Variants in CCSER1 observed in about 807,000 individuals in gnomAD.
CCSER1 encodes serine-rich coiled-coil domain-containing protein 1.
CCSER1 carries 41 observed loss-of-function variants against 82.0 expected under a neutral mutation model. The observed-to-expected ratio is 0.50, with a 90% CI of 0.39 to 0.65. CCSER1 has a LOEUF of 0.65. CCSER1 is among the 30% of genes least tolerant of loss of function. The pLI is 0.00. For missense variants in CCSER1, 1,119 were observed against 1,064.2 expected (o/e 1.05, Z -0.72); for synonymous variants, 414 against 383.9 (o/e 1.08, Z -0.92).
intron 5 of CCSER1, among the ~76,000 whole-genome samples, chr4:90,604,989 A>G (rs978277920): frequency 2.1e-5 from 3 of 144,138 alleles, no homozygotes; most frequent in Admixed American, 6.8e-5. Flanking sequence ...AGCAGCGGCA[A>G]CTGAGTGAGC....
intron 6 of CCSER1, among the ~76,000 whole-genome samples, chr4:90,694,161 T>G (rs918919716): frequency 6.6e-6 from 1 of 151,998 alleles, no homozygotes; most frequent in African/African-American, 2.4e-5. Context: ...GTTGGAAGAT[T>G]TGGAACAAAT....
At chr4:90,271,862 ATTTTTT>A (rs1176154331) in intron 1 of CCSER1, among the ~76,000 whole-genome samples, 87 of 21,646 alleles carry the variant, frequency 4.0e-3, no homozygotes, top group South Asian at 5.6e-3. Context: ...ATATATATAT[ATTTTTT>A]TTTTTTTTTT....
At chr4:91,218,032 CG>C (rs1418330656) in intron 10 of CCSER1, among the ~76,000 whole-genome samples, 1 of 152,172 alleles carries the variant, frequency 6.6e-6, no homozygotes, top group Non-Finnish European at 1.5e-5. Flanking sequence ...TGGTGCTTGT[CG>C]GGGAGGCTCC....
intron 10 of CCSER1, among the ~76,000 whole-genome samples, chr4:91,160,488 T>A (rs550957141): frequency 6.6e-5 from 10 of 152,314 alleles, no homozygotes; most frequent in South Asian, 4.1e-4. Flanking sequence ...TCTACAGTGG[T>A]TGAACTAGTT....
chr4:90,479,870 A>G (rs907269161), intron 5 of CCSER1, among the ~76,000 whole-genome samples: 5 of 152,252 alleles, frequency 3.3e-5, no homozygotes, highest in Admixed American at 1.3e-4. Context: ...AGCATGATTT[A>G]TAATCCTTTG....
At chr4:91,397,470 A>G (rs1406826584) in intron 10 of CCSER1, among the ~76,000 whole-genome samples, 1 of 151,994 alleles carries the variant, frequency 6.6e-6, no homozygotes, top group Non-Finnish European at 1.5e-5. Flanking sequence ...TGCATTCTTT[A>G]TGTTTTTGTA....
intron 7 of CCSER1, among the ~76,000 whole-genome samples, chr4:90,753,861 T>TG (rs1308651524): frequency 6.6e-6 from 1 of 152,192 alleles, no homozygotes. Flanking sequence ...GATCTGGCAA[T>TG]GCTGGCCTTC....
At chr4:91,440,354 C>G (rs1479133692) in intron 10 of CCSER1, among the ~76,000 whole-genome samples, 1 of 152,086 alleles carries the variant, frequency 6.6e-6, no homozygotes, top group Non-Finnish European at 1.5e-5. Flanking sequence ...ACAATCTGCT[C>G]CTGAATGACT....
intron 7 of CCSER1, among the ~76,000 whole-genome samples, chr4:90,793,068 C>G (rs146736314): frequency 1.3e-4 from 20 of 152,336 alleles, no homozygotes; most frequent in Non-Finnish European, 2.5e-4. Flanking sequence ...CTGTGTTACA[C>G]ACTTCTAGAA....
intron 10 of CCSER1, among the ~76,000 whole-genome samples, chr4:91,444,091 G>T (rs1755395416): frequency 6.6e-6 from 1 of 151,990 alleles, no homozygotes; most frequent in Non-Finnish European, 1.5e-5. Flanking sequence ...ATAATACACA[G>T]GAATATTATT....
intron 1 of CCSER1, among the ~76,000 whole-genome samples, chr4:90,246,360 T>A (rs1437459727): frequency 6.6e-6 from 1 of 152,178 alleles, no homozygotes; most frequent in Non-Finnish European, 1.5e-5. Context: ...TTTGTTTCTG[T>A]ACTTATCATT....
chr4:90,801,840 G>A (rs1235907346), intron 7 of CCSER1, among the ~76,000 whole-genome samples: 1 of 152,038 alleles, frequency 6.6e-6, no homozygotes, highest in Non-Finnish European at 1.5e-5. Context: ...CATTTGTTTA[G>A]TTTTATTTCA....
In CCSER1 at chr4:90,308,872, A is replaced by G. The variant is rs1260794728; in HGVS notation, c.588A>G (p.Leu196=). 1.9e-6 allele frequency: 3 copies of G among 1,613,914 alleles called. No homozygotes were observed. Among genetic ancestry groups the G allele is most frequent in the Non-Finnish European group, 2.5e-6 (3 of 1,179,848 alleles). The stretch of plus-strand genomic sequence containing the variant: ...ACTATAAATTTTCTAAGCCAGTTCT[A>G]CAGAGCCAATCCATTTCATTGGTAC... ...SSHYKFSKPV[L]QSQSISLVQQ... The change falls in exon 2 of 11, where the codon CTA becomes CTG. Residue 196 remains leucine (L), a synonymous_variant. Transcript: ENST00000509176.
chr4:90,692,035 G>GTGTA (rs368942375), intron 6 of CCSER1, among the ~76,000 whole-genome samples: 15 of 142,968 alleles, frequency 1.0e-4, no homozygotes, highest in African/African-American at 1.8e-4. Flanking sequence ...TTCAATGTGT[G>GTGTA]TATATATATA....
At chr4:90,662,672 A>G (rs1258807032) in intron 6 of CCSER1, among the ~76,000 whole-genome samples, 5 of 152,142 alleles carry the variant, frequency 3.3e-5, no homozygotes, top group African/African-American at 7.2e-5. Context: ...TGTAGCTAGG[A>G]TATGTAATTT....
At position 91,225,296 on chromosome 4, in the gene CCSER1, GTA is replaced by G. The variant is rs1051736968; in HGVS notation, c.2217+139310_2217+139311del. Among the ~76,000 whole-genome samples the G allele has an allele frequency of 8.0e-4, 24 of 30,170 alleles. 1 individual carries two copies. Among genetic ancestry groups the G allele is most frequent in the African/African-American group, 3.2e-3 (14 of 4,404 alleles). The allele number at this position is 30,170 out of a possible 152,430, so 19.8% of individuals were successfully genotyped here. On this transcript the variant is annotated intron_variant, in intron 10 of 10. Coordinates refer to ENST00000509176, the MANE Select transcript of CCSER1 (RefSeq NM_001145065.2). ...TACATTTTATATATGTAATATATAT[GTA>G]TATATATTATATATGTAATATATAT... is the stretch of plus-strand genomic sequence containing the variant.
At position 91,216,251 on chromosome 4, in the gene CCSER1, G is replaced by A. The variant is rs140269239; in HGVS notation, c.2217+130257G>A. Among the ~76,000 whole-genome samples the A allele has an allele frequency of 4.7e-4, 71 of 152,284 alleles. 1 individual carries two copies. The East Asian group carries it at 0.01, about 22-fold the overall frequency. The stretch of plus-strand genomic sequence containing the variant: ...GGCTCTCTTGTCAGTTTATCACAGT[G>A]CGCATAAAATGTTAATCACTTTCTT... On this transcript the variant is annotated intron_variant, in intron 10 of 10. Coordinates refer to ENST00000509176, the MANE Select transcript of CCSER1 (RefSeq NM_001145065.2).
At chr4:91,007,572 A>C (rs72667503) in intron 9 of CCSER1, among the ~76,000 whole-genome samples, 2 of 150,350 alleles carry the variant, frequency 1.3e-5, no homozygotes, top group African/African-American at 4.9e-5. Flanking sequence ...TTGTATTTCT[A>C]TTGCATCAAT....
At chr4:91,376,496 TTAA>T (rs1345676543) in intron 10 of CCSER1, among the ~76,000 whole-genome samples, 1 of 152,176 alleles carries the variant, frequency 6.6e-6, no homozygotes, top group Non-Finnish European at 1.5e-5. Context: ...TATCATTGAA[TTAA>T]AGGTTGTTAT....
Sources: gnomAD v4.1 joint callset for allele counts (sites outside exome capture counted in the v4.1 genomes callset) on GRCh38, gnomAD v4.1.1 for gene constraint, MANE v1.5 for transcripts, NCBI Gene and HGNC (gene_info 2026-07-23, HGNC 2026-07-21) for gene names.